Variants in ARHGAP30 observed in about 807,000 individuals in gnomAD.
ARHGAP30 encodes Rho GTPase activating protein 30, also known as rho GTPase-activating protein 30.
A neutral mutation model predicts 72.0 loss-of-function variants in ARHGAP30; 23 were observed. The observed-to-expected ratio is 0.32, with a 90% CI of 0.23 to 0.45. ARHGAP30 has a LOEUF of 0.45. ARHGAP30 is among the 20% of genes least tolerant of loss of function. The pLI is 1.00. For missense variants in ARHGAP30, 1,319 were observed against 1,383.4 expected (o/e 0.95, Z 0.74); for synonymous variants, 576 against 528.2 (o/e 1.09, Z -1.24).
rs112192873 is a variant in ARHGAP30 at position 161,054,042 on chromosome 1, T to A, written c.536+324A>T. On this transcript the variant is annotated intron_variant, in intron 5 of 11. Transcript: ENST00000368013. ...GAGATCGCACCGCTGCTCTCCAGCC[T>A]GGGCAACAGAGCAAGACTCTGTCTC... Among the ~76,000 whole-genome samples, 833 of 152,246 alleles carry A rather than the reference T, an allele frequency of 5.5e-3. 5 individuals carry two copies. Among genetic ancestry groups the A allele is most frequent in the Non-Finnish European group, 8.2e-3 (560 of 68,016 alleles).
chr1:161,059,492 C>A (rs1458482779), intron 2 of ARHGAP30, 122 bp downstream of exon 2: 11 of 783,062 alleles, frequency 1.4e-5, no homozygotes, highest in Admixed American at 8.6e-5. Context: ...TACCTAGTAT[C>A]TGTGTTTCCT....
intron 10 of ARHGAP30, among the ~76,000 whole-genome samples, chr1:161,050,005 T>G (rs1651233367): frequency 6.6e-6 from 1 of 152,204 alleles, no homozygotes; most frequent in Admixed American, 6.5e-5. Flanking sequence ...TCTAAGGTCA[T>G]GTAATGAATA....
At chr1:161,053,463 TCTC>T in intron 5 of ARHGAP30, 78 bp from the exon 6 acceptor site, 1 of 296,964 alleles carries the variant, frequency 3.4e-6, no homozygotes, top group Non-Finnish European at 4.4e-6. Context: ...AATACCTTAT[TCTC>T]TCTCTCTCTC....
rs750893517 is a variant in ARHGAP30, at chr1:161,054,645, C to T, written c.406G>A (p.Glu136Lys). Reference sequence around the variant, plus strand: ...TACCTGTAGTTTGGGACAGGGAGTTCCCGAAGCACCTCTAGGATCTTGACC... The same window carrying T: ...TACCTGTAGTTTGGGACAGGGAGTTTCCGAAGCACCTCTAGGATCTTGACC... The part of the protein sequence containing the change: ...RLVKILEVLR[E>K]LPVPNYRTLE... Residue 136 changes from glutamate (E) to lysine (K), a missense_variant, in exon 4 of 12, where the codon GAA becomes AAA. Glu to Lys is a moderately conservative substitution (Grantham distance 56). This residue lies in a region of ARHGAP30 where 222 missense variants were observed against 338.2 expected (regional missense o/e 0.66). Transcript: ENST00000368013. The T allele has an allele frequency of 6.2e-7, 1 of 1,614,000 alleles. No homozygotes were observed. The highest frequency in any genetic ancestry group is 1.7e-5 in the Admixed American group (1 of 60,022).
chr1:161,048,997 G>C lies in ARHGAP30; in HGVS notation c.2024C>G (p.Ala675Gly). Reference sequence around the variant, plus strand: ...CACCTTGGTCTCTGGACTTCCCTCTGCCTCTTCCCTGATGTCTAGCCTGCC... The same window carrying C: ...CACCTTGGTCTCTGGACTTCCCTCTCCCTCTTCCCTGATGTCTAGCCTGCC... Reference protein sequence around the residue: ...PGGRLDIREEAEGSPETKVEA... With the variant: ...PGGRLDIREEGEGSPETKVEA... Residue 675 changes from alanine to glycine, a missense_variant, in exon 12 of 12, where the codon GCA (alanine) becomes GGA (glycine). Physicochemically the swap from Ala to Gly is moderately conservative, Grantham distance 60. This residue lies in a region of ARHGAP30 where 1,097 missense variants were observed against 1,045.2 expected (regional missense o/e 1.05). Transcript: ENST00000368013. 1 of 1,613,408 alleles carries C rather than the reference G, an allele frequency of 6.2e-7. No homozygotes were observed. Among genetic ancestry groups the C allele is most frequent in the Non-Finnish European group, 8.5e-7 (1 of 1,179,950 alleles).
At chr1:161,049,913 T>C (rs1160876457) in intron 10 of ARHGAP30, among the ~76,000 whole-genome samples, 1 of 152,208 alleles carries the variant, frequency 6.6e-6, no homozygotes, top group Non-Finnish European at 1.5e-5. Context: ...GCATTGGCAT[T>C]TTTTCCTCCA....
chr1:161,049,808 G>T, intron 10 of ARHGAP30, 119 bp from the exon 11 acceptor site: 1 of 1,337,038 alleles, frequency 7.5e-7, no homozygotes, highest in Non-Finnish European at 1.0e-6. Flanking sequence ...TACTCTGCAT[G>T]ACTGATCCTT....
At chr1:161,056,354 GC>G in intron 3 of ARHGAP30, 33 bp downstream of exon 3, 1 of 1,608,514 alleles carries the variant, frequency 6.2e-7, no homozygotes, top group Non-Finnish European at 8.5e-7. Context: ...CCACCCCTGA[GC>G]CCTGTCTTCC....
intron 1 of ARHGAP30, among the ~76,000 whole-genome samples, chr1:161,062,270 G>A (rs1466485284): frequency 6.6e-6 from 1 of 151,996 alleles, no homozygotes; most frequent in Non-Finnish European, 1.5e-5. Context: ...TCCTCAACCT[G>A]GTATATAAGA....
At position 161,053,500 on chromosome 1, in the gene ARHGAP30, CTCTCTCGA is replaced by C. The variant is rs1225478621; in HGVS notation, c.537-123_537-116del. The C allele has an allele frequency of 5.4e-5, 48 of 886,284 alleles. 1 individual carries two copies. In the African/African-American group the frequency reaches 1.4e-3, roughly 26 times the overall value. 54.9% of individuals were successfully genotyped at this position (886,284 alleles called of 1,614,324 possible). A position where few individuals can be genotyped will look rare whatever the true frequency, so the allele number is the denominator to read the frequency against. Reference sequence around the variant, plus strand: ...TCTCTCTCTCTCTCTCTCTCTCTCTCTCTCTCGAATGACCTTAACCCCTTCTCTACCTC... The same window carrying C: ...TCTCTCTCTCTCTCTCTCTCTCTCTCATGACCTTAACCCCTTCTCTACCTC... On this transcript the variant is annotated intron_variant, in intron 5 of 11. Transcript: ENST00000368013.
intron 2 of ARHGAP30, among the ~76,000 whole-genome samples, 173 bp from the exon 3 acceptor site, chr1:161,056,705 T>C (rs954946410): frequency 2.0e-5 from 3 of 152,190 alleles, no homozygotes; most frequent in Non-Finnish European, 2.9e-5. Flanking sequence ...ATTGCATATG[T>C]TGACATGTAG....
chr1:161,054,218 A>G, intron 5 of ARHGAP30, 148 bp downstream of exon 5: 1 of 702,420 alleles, frequency 1.4e-6, no homozygotes, highest in South Asian at 1.8e-5. Flanking sequence ...CCGACCCACC[A>G]TGATCTTGAA....
chr1:161,048,403 T>A lies in ARHGAP30; in HGVS notation c.2618A>T (p.Asp873Val). Residue 873 changes from aspartate to valine, a missense_variant, in exon 12 of 12, where the codon GAC (aspartate) becomes GTC (valine). Physicochemically the swap from Asp to Val is radical, Grantham distance 152. Coordinates refer to ENST00000368013, the MANE Select transcript of ARHGAP30 (RefSeq NM_001025598.2). Reference protein sequence around the residue: ...EGSGVASLEVDCAKEGNPHSS... With the variant: ...EGSGVASLEVVCAKEGNPHSS... ...GTGAGGATTGCCCTCTTTGGCACAG[T>A]CAACCTCCAGGGACGCTACACCTGA... 2 of 1,614,124 alleles carry A rather than the reference T, an allele frequency of 1.2e-6. No homozygotes were observed. Among genetic ancestry groups the A allele is most frequent in the Non-Finnish European group, 1.7e-6 (2 of 1,180,034 alleles).
intron 1 of ARHGAP30, among the ~76,000 whole-genome samples, chr1:161,062,300 A>ACC (rs1333090088): frequency 2.0e-5 from 3 of 152,174 alleles, no homozygotes; most frequent in African/African-American, 7.2e-5. Flanking sequence ...AATCAGGTCC[A>ACC]GACACCATTT....
Position 161,053,300 on chromosome 1 carries a change from G to A in ARHGAP30, c.622C>T (p.Leu208Phe), listed in dbSNP as rs147495462. The change falls in exon 6 of 12, where the codon CTC becomes TTC. Residue 208 changes from leucine (L) to phenylalanine (F), a missense_variant. Physicochemically the swap from Leu to Phe is conservative, Grantham distance 22 (BLOSUM62 0). Around this residue, in one of 2 missense-constraint regions of ARHGAP30, gnomAD observed 222 missense variants for 338.2 expected, o/e 0.66. Transcript: ENST00000368013. The stretch of plus-strand genomic sequence containing the variant: ...CCAAAGAGCTGGTCCACGTGTGTGA[G>A]GATGAACTCCACGACGATGGATTGT... ...RVQSIVVEFI[L>F]THVDQLFGGA... 3.2e-5 allele frequency: 52 copies of A among 1,613,880 alleles called. 1 individual carries two copies. The African/African-American group carries it at 6.7e-4, about 21-fold the overall frequency.
chr1:161,051,851 G>T, intron 9 of ARHGAP30, 136 bp from the exon 10 acceptor site: 1 of 1,427,036 alleles, frequency 7.0e-7, no homozygotes, highest in Non-Finnish European at 9.1e-7. Context: ...ACCAGGCCCA[G>T]CTTCTTTTGA....
rs551270326 is a variant in ARHGAP30 at position 161,051,336 on chromosome 1, A to G, written c.1398T>C (p.Pro466=). ...CACCTGGGGGGCCAGGGCCAAGGCC[A>G]GGGCCAGGGCCAGGGCCAGAGGCAG... The part of the protein sequence containing the change: ...PSPASGPGPG[P]GLGPGPPDEK... The change falls in exon 10 of 12, where the codon CCT becomes CCC. Residue 466 remains proline, a synonymous_variant. Transcript: ENST00000368013. The G allele has an allele frequency of 7.5e-6, 12 of 1,606,926 alleles. No homozygotes were observed. Among genetic ancestry groups the G allele is most frequent in the Admixed American group, 5.0e-5 (3 of 59,582 alleles).
At chr1:161,055,901 AAAAT>A (rs1557926796) in intron 3 of ARHGAP30, among the ~76,000 whole-genome samples, 1,025 of 24,976 alleles carry the variant, frequency 0.041, 32 homozygotes, top group South Asian at 0.19. Flanking sequence ...AAAATAAAAT[AAAAT>A]AAAATAAAAT....
At chr1:161,050,683 C>T (rs913373108) in intron 10 of ARHGAP30, among the ~76,000 whole-genome samples, 15 of 151,802 alleles carry the variant, frequency 9.9e-5, no homozygotes, top group Non-Finnish European at 2.1e-4. Flanking sequence ...TCTTGTCGCC[C>T]AGGCTAGAGT....
Sources: gnomAD v4.1 joint callset for allele counts (sites outside exome capture counted in the v4.1 genomes callset) on GRCh38, gnomAD v4.1.1 for gene constraint, gnomAD v4.1.1 regional missense constraint, MANE v1.5 for transcripts, NCBI Gene and HGNC (gene_info 2026-07-23, HGNC 2026-07-21) for gene names.